The following ASAP2 variants were observed in gnomAD, a reference collection of about 807,000 sequenced individuals.
ASAP2 encodes the protein arf-GAP with SH3 domain, ANK repeat and PH domain-containing protein 2.
In ASAP2, 45 loss-of-function variants were observed where a neutral mutation model predicts 131.4. The ratio of observed to expected loss-of-function variants is 0.34; its 90% CI spans 0.27 to 0.44. The LOEUF (loss-of-function observed/expected upper bound fraction) is 0.44, where lower values mean the gene tolerates loss of function less well. Ranked by LOEUF, ASAP2 falls within the 20% of genes least tolerant of loss-of-function variation. ASAP2 has a pLI of 1.00. For missense variants in ASAP2, 1,011 were observed against 1,297.0 expected, an observed-to-expected ratio of 0.78 and a Z score of 3.39; for synonymous variants, 510 against 503.0, an observed-to-expected ratio of 1.01 and a Z score of -0.19.
chr2:9,216,620 C>T (rs1662062132), intron 1 of ASAP2, among the ~76,000 whole-genome samples: 1 of 151,898 alleles, frequency 6.6e-6, no homozygotes. Flanking sequence ...ACCACCACAC[C>T]CAGCTAATTT....
intron 2 of ASAP2, among the ~76,000 whole-genome samples, chr2:9,294,337 A>G (rs998952689): frequency 7.9e-5 from 12 of 152,100 alleles, no homozygotes; most frequent in African/African-American, 2.9e-4. Flanking sequence ...AACCTACACC[A>G]GGTAGTCAGT....
rs1054695689 is a variant in ASAP2, at chr2:9,392,475, C to T, written c.2519-1007C>T. Among the ~76,000 whole-genome samples the T allele has an allele frequency of 6.6e-6, 1 of 152,066 alleles. No individual in the cohort carries two copies. The highest frequency in any genetic ancestry group is 2.4e-5 in the African/African-American group (1 of 41,394). On this transcript the variant is annotated intron_variant, in intron 23 of 27. Coordinates refer to ENST00000281419, the MANE Select transcript of ASAP2 (RefSeq NM_003887.3). This position sits in a 1 kb window ranked among gnomAD's most constrained non-coding sequence, Gnocchi z 4.0. Reference sequence around the variant, plus strand: ...GAGTCAGTGCCATGTGTGCACATGCCGGCAGCAGAGCCGGGAGCAGTGGGT... The same window carrying T: ...GAGTCAGTGCCATGTGTGCACATGCTGGCAGCAGAGCCGGGAGCAGTGGGT...
In ASAP2 at chr2:9,403,558, C is replaced by A; in HGVS notation, c.*231C>A. Reference sequence around the variant, plus strand: ...ATTTATTAGGAAAAACTGAATTTCCCAACAGGTGAACTGAAAAGTTATTTT... The same window carrying A: ...ATTTATTAGGAAAAACTGAATTTCCAAACAGGTGAACTGAAAAGTTATTTT... On this transcript the variant is annotated 3_prime_UTR_variant, in exon 28 of 28. Coordinates refer to ENST00000281419, the MANE Select transcript of ASAP2 (RefSeq NM_003887.3). 3.9e-6 allele frequency: 2 copies of A among 515,820 alleles called. No homozygotes were observed. Among genetic ancestry groups the A allele is most frequent in the Non-Finnish European group, 6.8e-6 (2 of 293,004 alleles). 32.0% of individuals were successfully genotyped at this position (515,820 alleles called of 1,614,324 possible).
chr2:9,334,900 GT>G, intron 8 of ASAP2, 87 bp downstream of exon 8: 1 of 1,485,744 alleles, frequency 6.7e-7, no homozygotes, highest in Non-Finnish European at 9.3e-7. Flanking sequence ...GTAATCCTGT[GT>G]TTTCATGCCG....
At chr2:9,380,048 A>C (rs1674711683) in intron 19 of ASAP2, among the ~76,000 whole-genome samples, 1 of 152,128 alleles carries the variant, frequency 6.6e-6, no homozygotes, top group Non-Finnish European at 1.5e-5. Flanking sequence ...GCTTGAGAGA[A>C]GGTTTAAAAG....
chr2:9,358,657 G>T, intron 14 of ASAP2, 99 bp from the exon 15 acceptor site: 3 of 1,436,050 alleles, frequency 2.1e-6, no homozygotes, highest in Non-Finnish European at 9.3e-7. Context: ...AAATGCTCAT[G>T]CTCAGAACTG....
Position 9,388,416 on chromosome 2 carries a change from G to T in ASAP2, c.2253G>T (p.Arg751Ser), listed in dbSNP as rs557736859. Residue 751 changes from arginine (R) to serine (S), a missense_variant, in exon 22 of 28, where the codon AGG becomes AGT. By Grantham distance (110) the Arg-to-Ser change is moderately radical. Transcript: ENST00000281419. The part of the protein sequence containing the change: ...DAANLAKEKQ[R>S]AFMPSILQNE... ...CAAACCTTGCCAAGGAGAAGCAGAG[G>T]GCTTTCATGCCCAGCATCTTGCAGA... is the stretch of plus-strand genomic sequence containing the variant. 3 of 1,614,104 alleles carry T rather than the reference G, an allele frequency of 1.9e-6. No homozygotes were observed. In the South Asian group the frequency reaches 3.3e-5, roughly 18 times the overall value.
At chr2:9,362,413 T>C (rs1035642284) in intron 15 of ASAP2, among the ~76,000 whole-genome samples, 3 of 152,158 alleles carry the variant, frequency 2.0e-5, no homozygotes, top group Non-Finnish European at 4.4e-5. Flanking sequence ...TTTAATTAAT[T>C]TTTTATTGCA....
In ASAP2 at chr2:9,217,208, T is replaced by G. The variant is rs975615980; in HGVS notation, c.126+9978T>G. ...AGCATGCCCTCCCTTGCTGTTAGTG[T>G]TAGAAAGTTGCAGCTATTGCATTGC... On this transcript the variant is annotated intron_variant, in intron 1 of 27. Coordinates refer to ENST00000281419, the MANE Select transcript of ASAP2 (RefSeq NM_003887.3). This position sits in a 1 kb window ranked among gnomAD's most constrained non-coding sequence, Gnocchi z 4.0. Among the ~76,000 whole-genome samples, 6 of 152,138 alleles carry G rather than the reference T, an allele frequency of 3.9e-5. No homozygotes were observed. The highest frequency in any genetic ancestry group is 2.6e-4 in the Admixed American group (4 of 15,256).
Position 9,318,557 on chromosome 2 carries a change from T to G in ASAP2, c.379T>G (p.Leu127Val). ...TATGAACAACATAATCTCCTTCCCTTTGGACAGTTTGCTGAAGGGGGACCT... is the reference window on the plus strand; with the variant it reads ...TATGAACAACATAATCTCCTTCCCTGTGGACAGTTTGCTGAAGGGGGACCT... ...QNMNNIISFP[L>V]DSLLKGDLKG... is the part of the protein sequence containing the mutation. Residue 127 changes from leucine to valine, a missense_variant, in exon 4 of 28, where the codon TTG becomes GTG. By Grantham distance (32) the Leu-to-Val change is conservative. Coordinates refer to ENST00000281419, the MANE Select transcript of ASAP2 (RefSeq NM_003887.3). 1 of 1,613,464 alleles carries G rather than the reference T, an allele frequency of 6.2e-7. No individual in the cohort carries two copies. The highest frequency in any genetic ancestry group is 8.5e-7 in the Non-Finnish European group (1 of 1,179,682).
intron 3 of ASAP2, among the ~76,000 whole-genome samples, chr2:9,317,193 G>C (rs1323618384): frequency 7.6e-6 from 1 of 131,638 alleles, no homozygotes; most frequent in African/African-American, 2.9e-5. Context: ...CACACCCCAC[G>C]CAATCACACC....
At chr2:9,374,455 C>T (rs574908957) in intron 16 of ASAP2, among the ~76,000 whole-genome samples, 2 of 152,136 alleles carry the variant, frequency 1.3e-5, no homozygotes, top group African/African-American at 4.8e-5. Context: ...GTGGAGGTGA[C>T]GAGGGCGACA....
At chr2:9,342,746 C>T (rs76440887) in intron 9 of ASAP2, among the ~76,000 whole-genome samples, 2,416 of 152,256 alleles carry the variant, frequency 0.016, 65 homozygotes, top group African/African-American at 0.056. Flanking sequence ...GGGATGCAGT[C>T]GAAACTCTGA....
chr2:9,258,288 A>G lies in ASAP2; in HGVS notation c.127-21029A>G, dbSNP rs537220028. On this transcript the variant is annotated intron_variant, in intron 1 of 27. Transcript: ENST00000281419. Reference sequence around the variant, plus strand: ...CTATGATTACCAGCTATTTATTTGTAAAGTTGAAATAAATGCTATTCACAG... The same window carrying G: ...CTATGATTACCAGCTATTTATTTGTGAAGTTGAAATAAATGCTATTCACAG... 2.6e-4 allele frequency among the ~76,000 whole-genome samples: 39 copies of G among 150,844 alleles called. 1 individual carries two copies. The highest frequency in any genetic ancestry group is 4.0e-4 in the Admixed American group (6 of 15,180).
chr2:9,294,105 TC>T (rs750805562), intron 2 of ASAP2, among the ~76,000 whole-genome samples: 3 of 151,882 alleles, frequency 2.0e-5, no homozygotes, highest in Non-Finnish European at 4.4e-5. Flanking sequence ...TTCAAGTGAT[TC>T]TCCTGCCTCA....
At chr2:9,275,434 T>A (rs1666698505) in intron 1 of ASAP2, among the ~76,000 whole-genome samples, 1 of 152,182 alleles carries the variant, frequency 6.6e-6, no homozygotes, top group Non-Finnish European at 1.5e-5. Flanking sequence ...CACTCTGTCA[T>A]CTGTGGGAGT....
intron 4 of ASAP2, among the ~76,000 whole-genome samples, chr2:9,319,806 C>T (rs1670039304): frequency 2.6e-5 from 4 of 152,312 alleles, no homozygotes; most frequent in East Asian, 1.9e-4. Flanking sequence ...GAATTGCACA[C>T]GGAAGAGCAG....
rs1672880742 is a variant in ASAP2, at chr2:9,358,744, T to G, written c.1328-12T>G. 2.5e-6 allele frequency: 4 copies of G among 1,611,016 alleles called. No homozygotes were observed. In the South Asian group the frequency reaches 4.4e-5, roughly 18 times the overall value. ...TACTGGAAGCTCAAATCTGCCCTGT[T>G]CTCTTTGGCAGATCCTACATGGCTT... On this transcript the variant is annotated splice_polypyrimidine_tract_variant and intron_variant, in intron 14 of 27. Transcript: ENST00000281419.
intron 22 of ASAP2, 71 bp downstream of exon 22, chr2:9,388,617 G>T: frequency 6.5e-7 from 1 of 1,548,300 alleles, no homozygotes; most frequent in Non-Finnish European, 8.7e-7. Context: ...GTTTGCAGCT[G>T]CCCTGCCTCC....
Sources: gnomAD v4.1 joint callset for allele counts (sites outside exome capture counted in the v4.1 genomes callset) on GRCh38, gnomAD v4.1.1 for gene constraint, Gnocchi (gnomAD v3.1) non-coding constraint, MANE v1.5 for transcripts, NCBI Gene and HGNC (gene_info 2026-07-23, HGNC 2026-07-21) for gene names.